PABPN1L: variants seen among roughly 807,000 people sequenced by gnomAD.
PABPN1L encodes the protein embryonic polyadenylate-binding protein 2.
PABPN1L carries 45 observed loss-of-function variants against 34.0 expected under a neutral mutation model. The ratio of observed to expected loss-of-function variants is 1.32; its 90% CI spans 1.04 to 1.70. The LOEUF (loss-of-function observed/expected upper bound fraction) is 1.70, where lower values mean the gene tolerates loss of function less well. Among genes scored for constraint, PABPN1L ranks in the 40% most tolerant of loss-of-function variants. PABPN1L has a pLI of 0.00. For missense variants in PABPN1L, 459 were observed against 367.8 expected (o/e 1.25, Z -2.03); for synonymous variants, 182 against 152.1 (o/e 1.20, Z -1.45).
At chr16:88,866,427 G>A (rs1597641748) in exon 1 of PABPN1L, 1 of 1,551,414 alleles carries the variant, frequency 6.4e-7, no homozygotes. Flanking sequence ...CCCCATCCTG[G>A]TCTTCCTCTG....
upstream of PABPN1L, among the ~76,000 whole-genome samples, chr16:88,868,516 G>C (rs1268772100): frequency 6.6e-6 from 1 of 152,188 alleles, no homozygotes; most frequent in African/African-American, 2.4e-5. Flanking sequence ...TGAGGCAGGA[G>C]AATCACTTGA....
chr16:88,868,899 C>T (rs8059583), upstream of PABPN1L, among the ~76,000 whole-genome samples: 16,247 of 152,108 alleles, frequency 0.11, 2,256 homozygotes, highest in African/African-American at 0.33. Context: ...CTCCGGTGAG[C>T]GGAGGGTAAC....
At chr16:88,866,656 C>T, upstream of PABPN1L, 3 of 1,481,684 alleles carry the variant, frequency 2.0e-6, no homozygotes, top group South Asian at 1.4e-5. Flanking sequence ...CCCTCCACTC[C>T]CCTCGCGTCC....
upstream of PABPN1L, chr16:88,866,684 C>T (rs1968612783): frequency 6.9e-7 from 1 of 1,449,176 alleles, no homozygotes; most frequent in African/African-American, 1.4e-5. Context: ...CCCAGGCTCT[C>T]CTGGAGTTTT....
At chr16:88,864,992 G>C in intron 4 of PABPN1L, 30 bp downstream of exon 4, 1 of 1,599,886 alleles carries the variant, frequency 6.3e-7, no homozygotes, top group Non-Finnish European at 8.5e-7. Context: ...TGTCCGCATG[G>C]CCAGTGCCCC....
exon 2 of PABPN1L, chr16:88,865,861 C>T: frequency 6.2e-7 from 1 of 1,610,202 alleles, no homozygotes; most frequent in Non-Finnish European, 8.5e-7. Flanking sequence ...CTTCCTCGGC[C>T]TGTTGCTGCA....
At chr16:88,864,159 C>G in intron 6 of PABPN1L, 78 bp downstream of exon 6, 1 of 1,466,150 alleles carries the variant, frequency 6.8e-7, no homozygotes, top group Non-Finnish European at 9.1e-7. Flanking sequence ...GAGGAACGAG[C>G]TCAGGGACCC....
chr16:88,866,551 T>G, exon 1 of PABPN1L: 2 of 1,552,526 alleles, frequency 1.3e-6, no homozygotes, highest in Non-Finnish European at 1.7e-6. Context: ...GGAGACCGTC[T>G]GGAGCCAGGC....
chr16:88,865,395 A>G (rs574350293), intron 3 of PABPN1L, among the ~76,000 whole-genome samples, 168 bp downstream of exon 3: 1 of 152,008 alleles, frequency 6.6e-6, no homozygotes, highest in African/African-American at 2.4e-5. Context: ...CTCATGTTGA[A>G]AAACTGGAAT....
chr16:88,865,809 C>T lies in PABPN1L; in HGVS notation c.388G>A (p.Val130Met), dbSNP rs184050952. ...GGCCTGTGCCCTTGGTTCCTACCCA[C>T]GGTCTCAGGGCTCAGCAGCTGCCCG... The change falls in exon 2 of 7, where the codon GTG (valine) becomes ATG (methionine). Residue 130 changes from valine (V) to methionine (M), a missense_variant. Transcript: ENST00000419291. 8.1e-4 allele frequency: 1,305 copies of T among 1,603,590 alleles called. 11 individuals carry two copies. In the African/African-American group the frequency reaches 0.015, roughly 19 times the overall value.
At chr16:88,866,039 C>T (rs2143020473) in intron 1 of PABPN1L, 98 bp from the exon 2 acceptor site, 1 of 1,449,982 alleles carries the variant, frequency 6.9e-7, no homozygotes, top group South Asian at 1.4e-5. Flanking sequence ...GGTCACAGCC[C>T]CAAGGGGCAG....
chr16:88,866,119 C>T (rs933524560), intron 1 of PABPN1L, among the ~76,000 whole-genome samples, 178 bp from the exon 2 acceptor site: 2 of 152,256 alleles, frequency 1.3e-5, no homozygotes, highest in Admixed American at 6.5e-5. Flanking sequence ...TGCAGAGAAG[C>T]CCCCGAAACC....
At chr16:88,866,453 C>T (rs1459703015) in exon 1 of PABPN1L, 2 of 1,551,610 alleles carry the variant, frequency 1.3e-6, no homozygotes, top group Middle Eastern at 1.7e-4. Context: ...TCTTCCTCCT[C>T]TTTCTCCTCC....
chr16:88,863,870 A>G, intron 6 of PABPN1L, 75 bp from the exon 7 acceptor site: 3 of 1,425,628 alleles, frequency 2.1e-6, no homozygotes, highest in Non-Finnish European at 1.9e-6. Flanking sequence ...CCGGGGGACA[A>G]CAGGATAAGG....
At chr16:88,865,777 G>A (rs750217187) in intron 2 of PABPN1L, 29 bp downstream of exon 2, 1 of 1,586,216 alleles carries the variant, frequency 6.3e-7, no homozygotes. Context: ...CTTGCTCAGT[G>A]GGGGGCGGCC....
At chr16:88,863,847 G>A in intron 6 of PABPN1L, 52 bp from the exon 7 acceptor site, 13 of 1,503,382 alleles carry the variant, frequency 8.6e-6, no homozygotes, top group East Asian at 2.5e-5. Flanking sequence ...AGAAGGGGTG[G>A]TGGCCCAGGG....
chr16:88,864,819 C>T (rs774463866), intron 5 of PABPN1L, 34 bp downstream of exon 5: 3 of 1,565,004 alleles, frequency 1.9e-6, no homozygotes, highest in South Asian at 2.3e-5. Flanking sequence ...CCCCTCTGCG[C>T]TCATGTTCCT....
chr16:88,866,241 C>T (rs778911683), intron 1 of PABPN1L, 111 bp downstream of exon 1: 28 of 1,439,732 alleles, frequency 1.9e-5, no homozygotes, highest in Admixed American at 9.3e-5. Context: ...GGGCAATGGC[C>T]CTCTCCCCTC....
upstream of PABPN1L, among the ~76,000 whole-genome samples, chr16:88,868,963 A>G (rs561413728): frequency 3.3e-5 from 5 of 152,142 alleles, no homozygotes; most frequent in Non-Finnish European, 5.9e-5. Flanking sequence ...AGATCACACT[A>G]TCTGGGTGGG....
Sources: gnomAD v4.1 joint callset for allele counts (sites outside exome capture counted in the v4.1 genomes callset) on GRCh38, gnomAD v4.1.1 for gene constraint, MANE v1.5 for transcripts, NCBI Gene and HGNC (gene_info 2026-07-23, HGNC 2026-07-21) for gene names.